The following AGO2 variants were observed in gnomAD, a reference collection of about 807,000 sequenced individuals.
AGO2 encodes the protein protein argonaute-2.
In AGO2, 5 loss-of-function variants were observed where a neutral mutation model predicts 102.3. The observed-to-expected ratio is 0.05, with a 90% CI of 0.03 to 0.10. AGO2 has a LOEUF of 0.10. AGO2 is among the 10% of genes least tolerant of loss of function. The pLI, the probability that AGO2 is intolerant of heterozygous loss-of-function variation, is 1.00. For missense variants in AGO2, 541 were observed against 1,183.7 expected, an observed-to-expected ratio of 0.46 and a Z score of 7.97; for synonymous variants, 449 against 473.1, an observed-to-expected ratio of 0.95 and a Z score of 0.66.
intron 2 of AGO2, among the ~76,000 whole-genome samples, chr8:140,574,501 C>A (rs930499291): frequency 6.6e-6 from 1 of 152,156 alleles, no homozygotes; most frequent in Non-Finnish European, 1.5e-5. Context: ...TGGGCTCAGG[C>A]AATCCTCCTG....
At chr8:140,610,250 G>A (rs544564639) in intron 1 of AGO2, among the ~76,000 whole-genome samples, 31 of 151,868 alleles carry the variant, frequency 2.0e-4, no homozygotes, top group African/African-American at 6.8e-4. Context: ...AAAGACAGAC[G>A]GCAAAGACAA....
At chr8:140,558,395 A>C in intron 7 of AGO2, 90 bp downstream of exon 7, 1 of 1,384,308 alleles carries the variant, frequency 7.2e-7, no homozygotes, top group South Asian at 1.2e-5. Flanking sequence ...CTTTCTGGAG[A>C]ATGGGCACAG....
Position 140,557,928 on chromosome 8 carries a change from C to T in AGO2, c.878+557G>A, listed in dbSNP as rs2073128962. On this transcript the variant is annotated intron_variant, in intron 7 of 18. Transcript: ENST00000220592. This position sits in a 1 kb window ranked among gnomAD's most constrained non-coding sequence, Gnocchi z 5.9. ...TCTTGGTACCTCCAGTGCCTGGCAA[C>T]AGGCCTGGCACTTTCCATGGAATGA... 6.6e-6 allele frequency among the ~76,000 whole-genome samples: 1 copy of T among 152,252 alleles called. No homozygotes were observed. Among genetic ancestry groups the T allele is most frequent in the Non-Finnish European group, 1.5e-5 (1 of 68,034 alleles).
intron 1 of AGO2, among the ~76,000 whole-genome samples, chr8:140,634,576 C>T (rs2074379594): frequency 6.6e-6 from 1 of 152,258 alleles, no homozygotes; most frequent in South Asian, 2.1e-4. Context: ...ACCAAGGAGA[C>T]CGCCTTCTAC....
intron 1 of AGO2, among the ~76,000 whole-genome samples, chr8:140,602,329 A>G (rs1468182513): frequency 1.3e-5 from 2 of 152,228 alleles, no homozygotes; most frequent in Non-Finnish European, 2.9e-5. Context: ...TGTCATTATA[A>G]AGGGAAAAAA....
intron 17 of AGO2, 133 bp downstream of exon 17, chr8:140,535,335 G>C: frequency 1.8e-4 from 118 of 663,592 alleles, no homozygotes; most frequent in East Asian, 4.9e-4. Context: ...TGGGCTCCCC[G>C]GTTCCCTGGT....
intron 13 of AGO2, 60 bp from the exon 14 acceptor site, chr8:140,544,363 T>C (rs2132887600): frequency 2.8e-6 from 4 of 1,423,406 alleles, no homozygotes; most frequent in South Asian, 1.3e-5. Flanking sequence ...CTGACGCTAG[T>C]AGGTGCCACC....
At chr8:140,596,101 G>T (rs956407933) in intron 1 of AGO2, among the ~76,000 whole-genome samples, 1 of 148,056 alleles carries the variant, frequency 6.8e-6, no homozygotes, top group Admixed American at 6.9e-5. Flanking sequence ...CTCCTGCCTC[G>T]GCCTCCCAAA....
At chr8:140,581,239 CTAAACAGGCTCACGCCTG>C (rs2073552365) in intron 2 of AGO2, among the ~76,000 whole-genome samples, 1 of 152,212 alleles carries the variant, frequency 6.6e-6, no homozygotes, top group South Asian at 2.1e-4. Flanking sequence ...CCTGTCTCTA[CTAAACAGGCTCACGCCTG>C]TAATTCTAGC....
intron 11 of AGO2, among the ~76,000 whole-genome samples, chr8:140,549,935 C>A (rs767615063): frequency 1.1e-4 from 16 of 152,180 alleles, no homozygotes; most frequent in Non-Finnish European, 2.2e-4. Context: ...TCACCTTCTA[C>A]AATAAGGGCG....
At chr8:140,583,949 T>C (rs151273723) in intron 2 of AGO2, among the ~76,000 whole-genome samples, 60 of 152,228 alleles carry the variant, frequency 3.9e-4, no homozygotes, top group African/African-American at 1.4e-3. Context: ...TGATTTCAGC[T>C]CCCTTACAAT....
chr8:140,619,831 C>A (rs1563653178), intron 1 of AGO2, among the ~76,000 whole-genome samples: 1 of 152,176 alleles, frequency 6.6e-6, no homozygotes, highest in Non-Finnish European at 1.5e-5. Flanking sequence ...GGCGAGAAAC[C>A]CTGCTGGGGT....
At chr8:140,611,323 A>G (rs1161499504) in intron 1 of AGO2, among the ~76,000 whole-genome samples, 1 of 139,554 alleles carries the variant, frequency 7.2e-6, no homozygotes, top group Non-Finnish European at 1.6e-5. Context: ...TTGACTCTTA[A>G]GCCTTTGTTT....
At chr8:140,611,001 G>A (rs1210213892) in intron 1 of AGO2, among the ~76,000 whole-genome samples, 7 of 152,242 alleles carry the variant, frequency 4.6e-5, no homozygotes, top group Admixed American at 2.0e-4. Flanking sequence ...AGACACGCGC[G>A]CATGCAGATC....
chr8:140,554,302 G>A (rs2073056512), intron 10 of AGO2, among the ~76,000 whole-genome samples: 1 of 152,158 alleles, frequency 6.6e-6, no homozygotes, highest in East Asian at 1.9e-4. Flanking sequence ...GCGAGCCAAG[G>A]AGGGGCTGAA....
At position 140,556,949 on chromosome 8, in the gene AGO2, C is replaced by T. The variant is rs181335084; in HGVS notation, c.1026+140G>A. 201 of 1,270,088 alleles carry T rather than the reference C, an allele frequency of 1.6e-4. 3 individuals are homozygous for T. The Admixed American group carries it at 4.6e-3, about 29-fold the overall frequency. The allele number at this position is 1,270,088 out of a possible 1,614,324, so 78.7% of individuals were successfully genotyped here. ...ACCGAGGTGTAACAAAGCCCATTAACCCACCCGCATTCCTGCAGCAGCAGA... is the reference window on the plus strand; with the variant it reads ...ACCGAGGTGTAACAAAGCCCATTAATCCACCCGCATTCCTGCAGCAGCAGA... On this transcript the variant is annotated intron_variant, in intron 8 of 18. Coordinates refer to ENST00000220592, the MANE Select transcript of AGO2 (RefSeq NM_012154.5).
In AGO2 at chr8:140,589,640, C is replaced by T. The variant is rs548145106; in HGVS notation, c.23-4329G>A. Among the ~76,000 whole-genome samples the T allele has an allele frequency of 6.6e-6, 1 of 152,138 alleles. No homozygotes were observed. The highest frequency in any genetic ancestry group is 1.5e-5 in the Non-Finnish European group (1 of 68,026). ...ATTACACTGGGCATCAGCCAGAAAA[C>T]GTGCAGGCCAAAGAAAGTGAGAAGG... On this transcript the variant is annotated intron_variant, in intron 1 of 18. Coordinates refer to ENST00000220592, the MANE Select transcript of AGO2 (RefSeq NM_012154.5). The surrounding 1 kb of genome is among the most constrained non-coding windows in gnomAD (Gnocchi z 4.2).
intron 14 of AGO2, among the ~76,000 whole-genome samples, chr8:140,542,594 C>T (rs2072819998): frequency 6.6e-6 from 1 of 150,788 alleles, no homozygotes; most frequent in Admixed American, 6.6e-5. Flanking sequence ...AAAAAACCAG[C>T]CTAAGGCTCC....
At position 140,527,398 on chromosome 8, in the gene AGO2, A is replaced by G. The variant is rs549613306; in HGVS notation, c.*4646T>C. On this transcript the variant is annotated 3_prime_UTR_variant, in exon 19 of 19. Transcript: ENST00000220592. The surrounding 1 kb of genome is among the most constrained non-coding windows in gnomAD (Gnocchi z 6.0). ...TTCTCCTACCACAAATCTATTTACA[A>G]TCATCTCAAACAAGTACAGCAGATG... 1.6e-4 allele frequency: 25 copies of G among 152,840 alleles called. No individual in the cohort carries two copies. The highest frequency in any genetic ancestry group is 6.0e-4 in the African/African-American group (25 of 41,578). 9.5% of individuals were successfully genotyped at this position (152,840 alleles called of 1,614,324 possible).
Sources: allele counts gnomAD v4.1 joint callset (sites outside exome capture counted in the v4.1 genomes callset), GRCh38; gene constraint gnomAD v4.1.1; non-coding constraint Gnocchi (gnomAD v3.1); transcripts MANE v1.5; gene names NCBI Gene and HGNC (gene_info 2026-07-23, HGNC 2026-07-21).